NID1: variants seen among roughly 807,000 people sequenced by gnomAD.
NID1 encodes nidogen-1.
A neutral mutation model predicts 130.6 loss-of-function variants in NID1; 76 were observed. That is an observed-to-expected ratio of 0.58 (90% confidence interval 0.48 to 0.70). The LOEUF (loss-of-function observed/expected upper bound fraction) is 0.70, where lower values mean the gene tolerates loss of function less well. Among genes scored for constraint, NID1 ranks in the 30% least tolerant of loss-of-function variants. The pLI is 0.00. For synonymous variants in NID1, 665 were observed against 675.1 expected (o/e 0.98, Z 0.23); for missense variants, 1,517 against 1,664.8 (o/e 0.91, Z 1.54).
chr1:236,049,856 G>C (rs934628960), intron 1 of NID1, among the ~76,000 whole-genome samples: 8 of 151,592 alleles, frequency 5.3e-5, no homozygotes, highest in Non-Finnish European at 1.0e-4. Context: ...TGGCCAACAT[G>C]GTGAAACACC....
intron 8 of NID1, among the ~76,000 whole-genome samples, chr1:236,025,263 CTT>C (rs750410998): frequency 1.3e-4 from 16 of 123,730 alleles, no homozygotes; most frequent in Admixed American, 1.7e-4. Flanking sequence ...TACAATTTCT[CTT>C]TTTTTTTTTT....
chr1:236,057,973 A>G (rs182166583), intron 1 of NID1, among the ~76,000 whole-genome samples: 2 of 152,280 alleles, frequency 1.3e-5, no homozygotes, highest in Non-Finnish European at 2.9e-5. Flanking sequence ...CTGACTCCCA[A>G]TGGCAGCAGC....
At chr1:236,003,133 T>TA (rs1387155854) in intron 12 of NID1, among the ~76,000 whole-genome samples, 2 of 151,198 alleles carry the variant, frequency 1.3e-5, no homozygotes, top group Non-Finnish European at 3.0e-5. Context: ...AGTGAACGAC[T>TA]GGTAGTTGTC....
At chr1:236,019,776 T>G (rs1180135762) in intron 9 of NID1, among the ~76,000 whole-genome samples, 1 of 152,150 alleles carries the variant, frequency 6.6e-6, no homozygotes, top group East Asian at 1.9e-4. Flanking sequence ...GCACGGTGGC[T>G]CAGGCCTGTA....
chr1:236,016,466 A>G (rs1658598367), intron 10 of NID1, among the ~76,000 whole-genome samples: 1 of 152,190 alleles, frequency 6.6e-6, no homozygotes, highest in African/African-American at 2.4e-5. Context: ...CGCATTTGAC[A>G]TGGCACCCTC....
chr1:235,983,334 A>T (rs1397848758), intron 15 of NID1, among the ~76,000 whole-genome samples: 1 of 152,226 alleles, frequency 6.6e-6, no homozygotes, highest in Non-Finnish European at 1.5e-5. Context: ...GAGAATTAGA[A>T]ACCCCACTTG....
At chr1:236,013,602 C>G in intron 10 of NID1, 42 bp from the exon 11 acceptor site, 1 of 1,612,958 alleles carries the variant, frequency 6.2e-7, no homozygotes, top group South Asian at 1.1e-5. Flanking sequence ...GGAAGAAAGT[C>G]CCCTGAGCAG....
At chr1:236,010,291 C>T (rs985457985) in intron 12 of NID1, among the ~76,000 whole-genome samples, 43 of 144,362 alleles carry the variant, frequency 3.0e-4, no homozygotes, top group African/African-American at 1.1e-3. Flanking sequence ...ACATAGTAGG[C>T]TATTTATACT....
At chr1:236,024,388 C>A in intron 8 of NID1, among the ~76,000 whole-genome samples, 175 bp from the exon 9 acceptor site, 1 of 152,374 alleles carries the variant, frequency 6.6e-6, no homozygotes, top group Non-Finnish European at 1.5e-5. Context: ...GCATGGCCCC[C>A]TCCCTGTTCT....
At position 236,029,534 on chromosome 1, in the gene NID1, C is replaced by T. The variant is rs1659035227; in HGVS notation, c.1738+16G>A. ...GGCCGGTCTGGGGCTGGCCCTGGGA[C>T]ACAGCTGGGGCTCACCTGAGGTGGA... On this transcript the variant is annotated intron_variant, in intron 7 of 19. Coordinates refer to ENST00000264187, the MANE Select transcript of NID1 (RefSeq NM_002508.3). 1.3e-6 allele frequency: 2 copies of T among 1,550,058 alleles called. No homozygotes were observed. The highest frequency in any genetic ancestry group is 1.4e-5 in the African/African-American group (1 of 73,122).
At chr1:236,026,193 G>T (rs746209018) in intron 7 of NID1, 52 bp from the exon 8 acceptor site, 128 of 1,598,566 alleles carry the variant, frequency 8.0e-5, no homozygotes, top group Non-Finnish European at 1.0e-4. Flanking sequence ...GAGGGAAGAT[G>T]GTTAAGGATG....
At chr1:236,033,766 C>G (rs1351755814) in intron 5 of NID1, among the ~76,000 whole-genome samples, 1 of 152,184 alleles carries the variant, frequency 6.6e-6, no homozygotes. Context: ...CAATGGTTAA[C>G]TCAGGGCAAA....
chr1:236,032,376 A>G, intron 6 of NID1, 25 bp downstream of exon 6: 1 of 1,610,194 alleles, frequency 6.2e-7, no homozygotes, highest in Non-Finnish European at 8.5e-7. Flanking sequence ...GTGACCCACT[A>G]ATTTTAATGT....
chr1:236,061,272 AG>A (rs1316309698), intron 1 of NID1, among the ~76,000 whole-genome samples: 4 of 152,164 alleles, frequency 2.6e-5, no homozygotes, highest in Non-Finnish European at 4.4e-5. Context: ...GGCCAAAATG[AG>A]TGTCACCCCG....
At chr1:236,013,378 T>A in intron 11 of NID1, 33 bp downstream of exon 11, 1 of 1,611,650 alleles carries the variant, frequency 6.2e-7, no homozygotes, top group Non-Finnish European at 8.5e-7. Context: ...TTTCTCAGGT[T>A]ACACACAGGG....
chr1:236,015,173 C>T lies in NID1; in HGVS notation c.2255-1613G>A, dbSNP rs144182415. On this transcript the variant is annotated intron_variant, in intron 10 of 19. Coordinates refer to ENST00000264187, the MANE Select transcript of NID1 (RefSeq NM_002508.3). ...GGGTAACCTTCCCAGTGCAGGCTTC[C>T]GACCTAGAACACTGTTTCAACAAGG... Among the ~76,000 whole-genome samples the T allele has an allele frequency of 4.1e-4, 62 of 152,290 alleles. 1 individual carries two copies. The South Asian group carries it at 5.8e-3, about 14-fold the overall frequency.
intron 12 of NID1, among the ~76,000 whole-genome samples, chr1:236,003,129 C>T (rs1296426382): frequency 7.3e-5 from 11 of 149,814 alleles, no homozygotes; most frequent in Non-Finnish European, 1.3e-4. Flanking sequence ...TCCTAGTGAA[C>T]GACTGGTAGT....
chr1:236,014,769 T>C (rs1417103521), intron 10 of NID1, among the ~76,000 whole-genome samples: 5 of 152,096 alleles, frequency 3.3e-5, no homozygotes, highest in African/African-American at 1.2e-4. Context: ...GGAGGAGAAG[T>C]AGGACCTCAA....
At chr1:236,017,802 C>T (rs1401808045) in intron 9 of NID1, among the ~76,000 whole-genome samples, 1 of 152,164 alleles carries the variant, frequency 6.6e-6, no homozygotes, top group African/African-American at 2.4e-5. Flanking sequence ...CCCACCTCTC[C>T]TAGAGTTAAT....
Sources: allele counts gnomAD v4.1 joint callset (sites outside exome capture counted in the v4.1 genomes callset), GRCh38; gene constraint gnomAD v4.1.1; transcripts MANE v1.5; gene names NCBI Gene and HGNC (gene_info 2026-07-23, HGNC 2026-07-21).